The following GRIN1 variants were observed in gnomAD, a reference collection of about 807,000 sequenced individuals.
GRIN1 encodes the protein glutamate receptor ionotropic, NMDA 1.
Under a neutral mutation model 103.0 loss-of-function variants are expected in GRIN1, and 38 were observed. The ratio of observed to expected loss-of-function variants is 0.37; its 90% confidence interval spans 0.28 to 0.48. The LOEUF (loss-of-function observed/expected upper bound fraction) is 0.48, where lower values mean the gene tolerates loss of function less well. GRIN1 is among the 20% of genes least tolerant of loss of function. GRIN1 has a pLI of 0.98. For missense variants in GRIN1, 577 were observed against 1,288.9 expected, an observed-to-expected ratio of 0.45 and a Z score of 8.46; for synonymous variants, 544 against 532.7, an observed-to-expected ratio of 1.02 and a Z score of -0.29.
chr9:137,141,870 T>C (rs1832182758), intron 1 of GRIN1, 143 bp from the exon 2 acceptor site: 1 of 883,792 alleles, frequency 1.1e-6, no homozygotes, highest in African/African-American at 1.6e-5. Context: ...CATCTGGGCC[T>C]GGGCATGTAG....
chr9:137,162,577 C>G lies in GRIN1; in HGVS notation c.1865-14C>G, dbSNP rs765093308. 1 of 1,611,530 alleles carries G rather than the reference C, an allele frequency of 6.2e-7. No homozygotes were observed. Among genetic ancestry groups the G allele is most frequent in the Non-Finnish European group, 8.5e-7 (1 of 1,179,390 alleles). On this transcript the variant is annotated splice_polypyrimidine_tract_variant and intron_variant, in intron 13 of 19. Transcript: ENST00000371561. ...GCCCTCTAGGGTCTGACAGAGCCCC[C>G]CGCCCGCCCACAGGCGCCCCCAGAA...
Position 137,156,777 on chromosome 9 carries a change from C to T in GRIN1, c.780C>T (p.Arg260=), listed in dbSNP as rs3181450. 102 of 1,591,612 alleles carry T rather than the reference C, an allele frequency of 6.4e-5. No homozygotes were observed. The East Asian group carries it at 9.0e-4, about 14-fold the overall frequency. Residue 260 remains arginine (R), a synonymous_variant, in exon 5 of 20, where the codon CGC becomes CGT. Coordinates refer to ENST00000371561, the MANE Select transcript of GRIN1 (RefSeq NM_007327.4). ...GEREISGNAL[R]YAPDGILGLQ... Reference sequence around the variant, plus strand: ...GCGAGATCTCGGGGAACGCCCTGCGCTACGCCCCAGACGGTGAGTGCTGGG... The same window carrying T: ...GCGAGATCTCGGGGAACGCCCTGCGTTACGCCCCAGACGGTGAGTGCTGGG...
At chr9:137,144,644 A>T (rs1588691712) in intron 2 of GRIN1, among the ~76,000 whole-genome samples, 1 of 131,186 alleles carries the variant, frequency 7.6e-6, no homozygotes, top group Non-Finnish European at 1.6e-5. Flanking sequence ...GAGACTGTTT[A>T]AAAAAAAAAA....
chr9:137,164,042 G>T, intron 18 of GRIN1, 138 bp downstream of exon 18: 1 of 1,066,036 alleles, frequency 9.4e-7, no homozygotes, highest in Non-Finnish European at 1.4e-6. Context: ...AGGGGCAGTG[G>T]TGAGTGCTCC....
chr9:137,150,018 G>C (rs899827978), intron 4 of GRIN1, among the ~76,000 whole-genome samples: 19 of 152,196 alleles, frequency 1.2e-4, no homozygotes, highest in Admixed American at 1.0e-3. Context: ...GCCAGCCAGG[G>C]CTCCTCGGAC....
At chr9:137,165,808 A>C (rs2131309826) in intron 19 of GRIN1, among the ~76,000 whole-genome samples, 1 of 152,060 alleles carries the variant, frequency 6.6e-6, no homozygotes, top group African/African-American at 2.4e-5. Flanking sequence ...CTGTCTGGCC[A>C]CTGGCCCCGC....
rs754354397 is a variant in GRIN1 at position 137,149,130 on chromosome 9, A to G, written c.671+21A>G. The G allele has an allele frequency of 2.1e-6, 3 of 1,451,406 alleles. No individual in the cohort carries two copies. In the South Asian group the frequency reaches 3.6e-5, roughly 17 times the overall value. 89.9% of individuals were successfully genotyped at this position (1,451,406 alleles called of 1,614,324 possible). A position where few individuals can be genotyped will look rare whatever the true frequency, so the allele number is the denominator to read the frequency against. ...GCCAGGTGAGGCTGGGCAGGGCCCT[A>G]CACACTCCACACAGGATGGTACCTG... On this transcript the variant is annotated intron_variant, in intron 4 of 19. Coordinates refer to ENST00000371561, the MANE Select transcript of GRIN1 (RefSeq NM_007327.4).
At chr9:137,147,693 C>A (rs901893308) in intron 3 of GRIN1, among the ~76,000 whole-genome samples, 2 of 152,222 alleles carry the variant, frequency 1.3e-5, no homozygotes, top group Non-Finnish European at 2.9e-5. Flanking sequence ...GTGAGGATAC[C>A]TCGGTCTCTT....
chr9:137,158,555 G>C, intron 7 of GRIN1, 32 bp downstream of exon 7: 1 of 1,609,202 alleles, frequency 6.2e-7, no homozygotes, highest in Non-Finnish European at 8.5e-7. Context: ...GTGGGGGCTG[G>C]GGCCTTAGGG....
At chr9:137,152,473 C>T (rs1156878558) in intron 4 of GRIN1, among the ~76,000 whole-genome samples, 1 of 152,348 alleles carries the variant, frequency 6.6e-6, no homozygotes, top group East Asian at 1.9e-4. Flanking sequence ...TCCCTACATT[C>T]TAACTGGAGT....
At position 137,145,907 on chromosome 9, in the gene GRIN1, G is replaced by T; in HGVS notation, c.570+5G>T. On this transcript the variant is annotated splice_donor_5th_base_variant and intron_variant, in intron 3 of 19. Transcript: ENST00000371561. Reference sequence around the variant, plus strand: ...CTGGAGGAGCGTGAGTCCAAGGTGAGGGTCGGCGCCGCGGGTGGGCGCCTG... The same window carrying T: ...CTGGAGGAGCGTGAGTCCAAGGTGATGGTCGGCGCCGCGGGTGGGCGCCTG... 6.3e-7 allele frequency: 1 copy of T among 1,593,682 alleles called. No homozygotes were observed. The highest frequency in any genetic ancestry group is 2.3e-5 in the East Asian group (1 of 43,898).
intron 18 of GRIN1, 182 bp from the exon 19 acceptor site, chr9:137,165,004 C>T (rs1057271363): frequency 1.4e-5 from 9 of 631,398 alleles, no homozygotes; most frequent in African/African-American, 1.8e-5. Flanking sequence ...CCCGAGACCC[C>T]GGGCAGGAGA....
chr9:137,167,375 G>A, intron 19 of GRIN1, 36 bp from the exon 20 acceptor site: 6 of 1,512,216 alleles, frequency 4.0e-6, no homozygotes, highest in Non-Finnish European at 5.4e-6. Flanking sequence ...CGGCCGGCGG[G>A]GCCAGCGGGT....
rs753555874 is a variant in GRIN1, at chr9:137,161,220, G to GGGGCGCGGGGCA, written c.1339+35_1339+46dup. On this transcript the variant is annotated intron_variant, in intron 9 of 19. Transcript: ENST00000371561. ...GCCGTGAGTGCGCGGGGCAGGGCGC[G>GGGGCGCGGGGCA]GGGCGCGGGGCAGGGCGCGGGGCGT... The GGGGCGCGGGGCA allele has an allele frequency of 3.7e-6, 6 of 1,604,712 alleles. No homozygotes were observed. The East Asian group carries it at 1.1e-4, about 30-fold the overall frequency.
chr9:137,163,102 A>G, intron 15 of GRIN1, 67 bp from the exon 16 acceptor site: 1 of 1,590,194 alleles, frequency 6.3e-7, no homozygotes, highest in South Asian at 1.1e-5. Context: ...GGCACCCCGG[A>G]GGGCGCGGGC....
At position 137,161,414 on chromosome 9, in the gene GRIN1, C is replaced by A. The variant is rs1434401596; in HGVS notation, c.1465C>A (p.Arg489=). The A allele has an allele frequency of 3.2e-6, 5 of 1,539,030 alleles. No homozygotes were observed. The South Asian group carries it at 3.4e-5, about 10-fold the overall frequency. The part of the protein sequence containing the change: ...VADGKFGTQE[R]VNNSNKKEWN... ...AGATGGCAAGTTCGGCACACAGGAG[C>A]GGGTAGGCTGGACGGCGGGGGTGGG... The change falls in exon 10 of 20, where the codon CGG becomes AGG. Residue 489 remains arginine (R), a splice_region_variant and synonymous_variant. Transcript: ENST00000371561.
chr9:137,144,753 A>G (rs551828853), intron 2 of GRIN1, among the ~76,000 whole-genome samples: 83 of 94,576 alleles, frequency 8.8e-4, no homozygotes, highest in Non-Finnish European at 1.3e-3. Flanking sequence ...AGTGAGAGGA[A>G]GGGGGTCCCA....
At chr9:137,167,171 C>G (rs955950718) in intron 19 of GRIN1, among the ~76,000 whole-genome samples, 1 of 151,986 alleles carries the variant, frequency 6.6e-6, no homozygotes, top group African/African-American at 2.4e-5. Flanking sequence ...GCACTGCCAG[C>G]TGGGGGTCTG....
chr9:137,146,169 G>A lies in GRIN1; in HGVS notation c.570+267G>A, dbSNP rs111783337. 3.9e-4 allele frequency among the ~76,000 whole-genome samples: 59 copies of A among 152,172 alleles called. No homozygotes were observed. Among genetic ancestry groups the A allele is most frequent in the Admixed American group, 1.2e-3 (19 of 15,298 alleles). ...ACACCCCTGCCCCGCGCTGCCGAGC[G>A]CCCTCGTCCCCTCCTCCTGCCCATG... On this transcript the variant is annotated intron_variant, in intron 3 of 19. Transcript: ENST00000371561. This position sits in a 1 kb window ranked among gnomAD's most constrained non-coding sequence, Gnocchi z 6.7.
Sources: gnomAD v4.1 joint callset for allele counts (sites outside exome capture counted in the v4.1 genomes callset) on GRCh38, gnomAD v4.1.1 for gene constraint, Gnocchi (gnomAD v3.1) non-coding constraint, MANE v1.5 for transcripts, NCBI Gene and HGNC (gene_info 2026-07-23, HGNC 2026-07-21) for gene names.